AFG2B: variants seen among roughly 807,000 people sequenced by gnomAD.
The protein encoded by AFG2B is ATPase family gene 2 protein homolog B.
chr15:45,414,697 A>G, the AFG2B span: 1 of 1,614,204 alleles, frequency 6.2e-7, no homozygotes, highest in Non-Finnish European at 8.5e-7. Flanking sequence ...CCTGGCCACA[A>G]GCTGTCACTG....
At chr15:45,417,520 C>T in the AFG2B span, 6 of 942,894 alleles carry the variant, frequency 6.4e-6, 1 homozygote, top group South Asian at 1.2e-4. Context: ...GGTGGCCTTT[C>T]ATGACATCAT....
the AFG2B span, among the ~76,000 whole-genome samples, chr15:45,404,257 C>G: frequency 6.6e-6 from 1 of 152,138 alleles, no homozygotes; most frequent in Non-Finnish European, 1.5e-5. Context: ...CTTCCTTGCA[C>G]TATCTAGTAC....
At chr15:45,412,802 G>T in the AFG2B span, among the ~76,000 whole-genome samples, 1 of 152,114 alleles carries the variant, frequency 6.6e-6, no homozygotes, top group African/African-American at 2.4e-5. Context: ...CCTGATAGTG[G>T]ATTTCACAGT....
the AFG2B span, among the ~76,000 whole-genome samples, chr15:45,409,454 G>A: frequency 3.3e-4 from 50 of 151,722 alleles, 1 homozygote; most frequent in South Asian, 8.1e-3. Context: ...TATCGGAGAA[G>A]AATAAATTGT....
At chr15:45,414,074 G>A in the AFG2B span, among the ~76,000 whole-genome samples, 1 of 152,136 alleles carries the variant, frequency 6.6e-6, no homozygotes, top group African/African-American at 2.4e-5. Context: ...TAATAATAGT[G>A]AATACTTGCT....
At chr15:45,403,111 G>A in the AFG2B span, 1 of 1,514,480 alleles carries the variant, frequency 6.6e-7, no homozygotes, top group African/African-American at 1.4e-5. Flanking sequence ...CGCCCTGACC[G>A]CGCTGGGCTT....
chr15:45,407,696 C>G, the AFG2B span, among the ~76,000 whole-genome samples: 1 of 152,158 alleles, frequency 6.6e-6, no homozygotes. Context: ...CATACAGATT[C>G]ACTTAACATC....
chr15:45,421,349 G>A, the AFG2B span: 1 of 564,584 alleles, frequency 1.8e-6, no homozygotes, highest in Non-Finnish European at 2.9e-6. Flanking sequence ...AAAAAAACTT[G>A]TGCCTGATAA....
the AFG2B span, among the ~76,000 whole-genome samples, chr15:45,413,780 G>A: frequency 6.6e-6 from 1 of 152,160 alleles, no homozygotes; most frequent in South Asian, 2.1e-4. Context: ...TGGTGCTCTT[G>A]AATTACATTG....
the AFG2B span, chr15:45,402,787 G>A: frequency 6.3e-7 from 1 of 1,590,812 alleles, no homozygotes; most frequent in Admixed American, 1.7e-5. Flanking sequence ...GCGAGAGCGG[G>A]CAGGCGCGCC....
chr15:45,407,328 T>C, the AFG2B span: 1 of 810,124 alleles, frequency 1.2e-6, no homozygotes, highest in Non-Finnish European at 1.6e-6. Flanking sequence ...GTTAAACTTT[T>C]TGTGAAGTAT....
At chr15:45,409,177 A>C in the AFG2B span, among the ~76,000 whole-genome samples, 1 of 152,126 alleles carries the variant, frequency 6.6e-6, no homozygotes, top group Admixed American at 6.5e-5. Context: ...GGAGTTCAAG[A>C]CCAGCCTGGC....
At chr15:45,406,007 G>T in the AFG2B span, among the ~76,000 whole-genome samples, 2 of 151,892 alleles carry the variant, frequency 1.3e-5, no homozygotes, top group Non-Finnish European at 2.9e-5. Flanking sequence ...CATCCATGAT[G>T]CCCCTTTACC....
chr15:45,407,235 A>G, the AFG2B span: 3 of 1,191,524 alleles, frequency 2.5e-6, no homozygotes, highest in Admixed American at 3.6e-5. Flanking sequence ...TACTGGCTCC[A>G]TCTTTTATTC....
At chr15:45,408,355 CCTCTT>C in the AFG2B span, among the ~76,000 whole-genome samples, 2 of 152,158 alleles carry the variant, frequency 1.3e-5, no homozygotes, top group African/African-American at 2.4e-5. Context: ...TGCTCCCTCT[CCTCTT>C]CTCTTTCTCT....
At chr15:45,410,658 C>T in the AFG2B span, 1 of 867,218 alleles carries the variant, frequency 1.2e-6, no homozygotes, top group Non-Finnish European at 1.7e-6. Context: ...CATCTAAATC[C>T]AATGATTGCT....
chr15:45,403,198 G>T, the AFG2B span: 1 of 1,468,098 alleles, frequency 6.8e-7, no homozygotes. Flanking sequence ...CGTGGCGCGC[G>T]AGGCGGGCGC....
the AFG2B span, among the ~76,000 whole-genome samples, chr15:45,416,474 C>A: frequency 1.3e-5 from 2 of 152,186 alleles, no homozygotes; most frequent in African/African-American, 4.8e-5. Context: ...ATTCCTCTCT[C>A]GTTCTCATTC....
At chr15:45,412,186 A>T in the AFG2B span, among the ~76,000 whole-genome samples, 1 of 152,056 alleles carries the variant, frequency 6.6e-6, no homozygotes, top group Non-Finnish European at 1.5e-5. Context: ...GAGGATCACG[A>T]GGTCAGGAGT....
Sources: gnomAD v4.1 joint callset for allele counts (sites outside exome capture counted in the v4.1 genomes callset) on GRCh38, gnomAD v4.1.1 for gene constraint, MANE v1.5 for transcripts, NCBI Gene and HGNC (gene_info 2026-07-23, HGNC 2026-07-21) for gene names.